Variants in MAPT observed in about 807,000 individuals in gnomAD.
MAPT encodes the protein microtubule-associated protein tau.
Under a neutral mutation model 67.9 loss-of-function variants are expected in MAPT, and 34 were observed. The ratio of observed to expected loss-of-function variants is 0.50; its 90% CI spans 0.38 to 0.67. The LOEUF (loss-of-function observed/expected upper bound fraction) is 0.67, where lower values mean the gene tolerates loss of function less well. Among genes scored for constraint, MAPT ranks in the 30% least tolerant of loss-of-function variants. The pLI, the probability that MAPT is intolerant of heterozygous loss-of-function variation, is 0.00. For missense variants in MAPT, 881 were observed against 1,115.2 expected (o/e 0.79, Z 2.99); for synonymous variants, 456 against 464.5 (o/e 0.98, Z 0.23).
chr17:45,986,337 C>G (rs887122631), intron 5 of MAPT, among the ~76,000 whole-genome samples: 1 of 152,200 alleles, frequency 6.6e-6, no homozygotes, highest in East Asian at 1.9e-4. Flanking sequence ...GGGACAAAGA[C>G]AACCCTGCCA....
chr17:45,944,652 G>A (rs1388116040), intron 1 of MAPT, among the ~76,000 whole-genome samples: 9 of 152,188 alleles, frequency 5.9e-5, no homozygotes, highest in Admixed American at 1.3e-4. Context: ...GCAGTGCATC[G>A]TTCGCAGCGT....
intron 1 of MAPT, among the ~76,000 whole-genome samples, chr17:45,922,574 T>C (rs1228707486): frequency 6.6e-6 from 1 of 151,910 alleles, no homozygotes; most frequent in Non-Finnish European, 1.5e-5. Context: ...AAGGTATTAT[T>C]ATGTTGAGGT....
chr17:45,941,745 T>TCCTTCCTG, intron 1 of MAPT, among the ~76,000 whole-genome samples: 1 of 144,154 alleles, frequency 6.9e-6, no homozygotes, highest in South Asian at 2.2e-4. Context: ...CTTCCTTCCT[T>TCCTTCCTG]CCTTCCTTCC....
rs191362093 is a variant in MAPT, at chr17:45,962,457, C to T, written c.120C>T (p.Asp40=). The change falls in exon 2 of 13, where the codon GAC becomes GAT. Residue 40 remains aspartate, a synonymous_variant. Transcript: ENST00000262410. ...ACCAAGACCAAGAGGGTGACACGGA[C>T]GCTGGCCTGAAAGGTTAGTGGACAG... The part of the protein sequence containing the change: ...TMHQDQEGDT[D]AGLKESPLQT... 219 of 1,612,682 alleles carry T rather than the reference C, an allele frequency of 1.4e-4. 4 individuals are homozygous for T. In the Admixed American group the frequency reaches 3.2e-3, roughly 23 times the overall value.
chr17:45,911,103 T>C (rs1165186581), intron 1 of MAPT, among the ~76,000 whole-genome samples: 1 of 152,270 alleles, frequency 6.6e-6, no homozygotes, highest in East Asian at 1.9e-4. Flanking sequence ...GGAATCATGC[T>C]GCCTTCACAT....
chr17:45,970,990 ACCTT>A (rs1357333699), intron 2 of MAPT, among the ~76,000 whole-genome samples: 2 of 152,136 alleles, frequency 1.3e-5, no homozygotes, highest in Non-Finnish European at 2.9e-5. Context: ...AGAATTCTCA[ACCTT>A]CCAGAGTGTA....
At position 45,904,322 on chromosome 17, in the gene MAPT, A is replaced by T. The variant is rs1184886305; in HGVS notation, c.-18+9636A>T. 3.6e-4 allele frequency among the ~76,000 whole-genome samples: 19 copies of T among 53,190 alleles called. 1 individual carries two copies. Among genetic ancestry groups the T allele is most frequent in the African/African-American group, 1.2e-3 (16 of 13,810 alleles). 34.9% of individuals were successfully genotyped at this position (53,190 alleles called of 152,430 possible). A position where few individuals can be genotyped will look rare whatever the true frequency, so the allele number is the denominator to read the frequency against. On this transcript the variant is annotated intron_variant, in intron 1 of 12. Transcript: ENST00000262410. ...TATAATATATATAAAAACATATATA[A>T]TATATATTATATATTATATATATAT...
intron 10 of MAPT, among the ~76,000 whole-genome samples, chr17:46,012,386 G>T (rs918796309): frequency 2.6e-5 from 4 of 152,036 alleles, no homozygotes; most frequent in Non-Finnish European, 4.4e-5. Context: ...TGTGTCCCGC[G>T]CTCTGCTTGT....
At chr17:45,993,774 G>A (rs1464601484) in intron 8 of MAPT, 9 of 697,836 alleles carry the variant, frequency 1.3e-5, no homozygotes, top group Middle Eastern at 3.5e-4. Context: ...CTGCCTGCAG[G>A]TGGAGAGACC....
intron 9 of MAPT, among the ~76,000 whole-genome samples, chr17:46,004,949 A>G (rs1238747735): frequency 6.6e-6 from 1 of 151,996 alleles, no homozygotes; most frequent in East Asian, 1.9e-4. Context: ...ACACCTGGCT[A>G]ATTTTTTTGT....
At chr17:45,925,945 T>G (rs2066246067) in intron 1 of MAPT, among the ~76,000 whole-genome samples, 1 of 152,192 alleles carries the variant, frequency 6.6e-6, no homozygotes, top group South Asian at 2.1e-4. Context: ...GCGAGGTGGC[T>G]CACACCTGTA....
intron 11 of MAPT, among the ~76,000 whole-genome samples, chr17:46,015,838 T>C (rs2076142887): frequency 6.6e-6 from 1 of 152,192 alleles, no homozygotes; most frequent in South Asian, 2.1e-4. Flanking sequence ...CATAAATATA[T>C]ACACCTAACT....
At chr17:45,999,496 A>G in intron 9 of MAPT, 1 of 1,614,010 alleles carries the variant, frequency 6.2e-7, no homozygotes, top group Non-Finnish European at 8.5e-7. Flanking sequence ...TGTGGGCACC[A>G]TTTGGCCCAG....
chr17:45,989,090 TGG>T lies in MAPT; in HGVS notation c.1408-787_1408-786del, dbSNP rs879030363. On this transcript the variant is annotated intron_variant, in intron 6 of 12. Transcript: ENST00000262410. ...TAGCCATATGAGTCTGTCAGTGTGG[TGG>T]AAGAGGCCATGGGTTAATGGGCAGG... Among the ~76,000 whole-genome samples, 227 of 152,134 alleles carry T rather than the reference TGG, an allele frequency of 1.5e-3. 2 individuals carry two copies. Among genetic ancestry groups the T allele is most frequent in the Admixed American group, 0.011 (169 of 15,284 alleles).
rs751195328 is a variant in MAPT, at chr17:46,026,305, C to G, written c.*2134C>G. ...AGCTAAGGAGGCCGTTCAGCTGTGACGAAGGCCTGAAGCACAGGATTAGGA... is the reference window on the plus strand; with the variant it reads ...AGCTAAGGAGGCCGTTCAGCTGTGAGGAAGGCCTGAAGCACAGGATTAGGA... On this transcript the variant is annotated 3_prime_UTR_variant, in exon 13 of 13. Transcript: ENST00000262410. The G allele has an allele frequency of 4.6e-5, 7 of 152,610 alleles. No individual in the cohort carries two copies. The highest frequency in any genetic ancestry group is 1.4e-4 in the African/African-American group (6 of 41,434). The allele number at this position is 152,610 out of a possible 1,614,324, so 9.5% of individuals were successfully genotyped here.
intron 1 of MAPT, among the ~76,000 whole-genome samples, chr17:45,939,094 G>A (rs1055135061): frequency 6.6e-5 from 10 of 152,040 alleles, no homozygotes; most frequent in South Asian, 2.1e-4. Flanking sequence ...GATTACAGGT[G>A]TAAGCCAACA....
At chr17:45,895,813 C>T (rs2063163643) in intron 1 of MAPT, 1 of 152,112 alleles carries the variant, frequency 6.6e-6, no homozygotes, top group Non-Finnish European at 1.5e-5. Flanking sequence ...CGTGTCACGT[C>T]TTTACGGTGC....
At position 45,983,041 on chromosome 17, in the gene MAPT, C is replaced by T; in HGVS notation, c.462C>T (p.His154=). The change falls in exon 5 of 13, where the codon CAC becomes CAT. Residue 154 remains histidine (H), a synonymous_variant. Coordinates refer to ENST00000262410, the MANE Select transcript of MAPT (RefSeq NM_001377265.1). ...PVPLTASLPQ[H]RPVCPAPPPT... is the part of the protein sequence containing the mutation. ...CGCTGACCGCGAGCCTTCCTCAGCA[C>T]CGTCCCGTTTGCCCAGCGCCTCCTC... 1 of 1,511,828 alleles carries T rather than the reference C, an allele frequency of 6.6e-7. No individual in the cohort carries two copies. The highest frequency in any genetic ancestry group is 1.3e-5 in the South Asian group (1 of 79,768). 93.7% of individuals were successfully genotyped at this position (1,511,828 alleles called of 1,614,324 possible).
intron 1 of MAPT, among the ~76,000 whole-genome samples, chr17:45,922,427 G>A (rs1476127): frequency 0.14 from 21,794 of 151,490 alleles, 2,130 homozygotes; most frequent in Middle Eastern, 0.22. Flanking sequence ...TTCAATGCCT[G>A]TTGTGCCAGG....
Sources: allele counts gnomAD v4.1 joint callset (sites outside exome capture counted in the v4.1 genomes callset), GRCh38; gene constraint gnomAD v4.1.1; transcripts MANE v1.5; gene names NCBI Gene and HGNC (gene_info 2026-07-23, HGNC 2026-07-21).